Variants in MARK3 observed in about 807,000 individuals in gnomAD.
MARK3 encodes MAP/microtubule affinity-regulating kinase 3.
In MARK3, 46 loss-of-function variants were observed where a neutral mutation model predicts 90.1. The ratio of observed to expected loss-of-function variants is 0.51; its 90% CI spans 0.40 to 0.65. The LOEUF (loss-of-function observed/expected upper bound fraction) is 0.65. Among genes scored for constraint, MARK3 ranks in the 30% least tolerant of loss-of-function variants. The pLI, the probability that MARK3 is intolerant of heterozygous loss-of-function variation, is 0.00. For missense variants in MARK3, 818 were observed against 947.2 expected (o/e 0.86, Z 1.79); for synonymous variants, 321 against 332.6 (o/e 0.97, Z 0.38).
intron 15 of MARK3, among the ~76,000 whole-genome samples, chr14:103,494,190 C>T (rs1434675932): frequency 6.8e-6 from 1 of 147,694 alleles, no homozygotes; most frequent in Non-Finnish European, 1.5e-5. Context: ...GCCAAGATCG[C>T]GCCGCTGCAC....
chr14:103,454,595 A>G (rs894638017), intron 5 of MARK3, among the ~76,000 whole-genome samples: 5 of 152,144 alleles, frequency 3.3e-5, no homozygotes, highest in Non-Finnish European at 4.4e-5. Flanking sequence ...TTTCCGGGAC[A>G]TATGTTTTAT....
rs375161932 is a variant in MARK3 at position 103,480,428 on chromosome 14, T to C, written c.1524T>C (p.Tyr508=). Residue 508 remains tyrosine, a synonymous_variant, in exon 14 of 18, where the codon TAT becomes TAC. Transcript: ENST00000429436. ...ASGGMTRRNT[Y]VCSERTTADR... ...GTGGAATGACACGACGAAATACTTA[T>C]GTTTGCAGTGAGAGAACTACAGCTG... 233 of 1,613,776 alleles carry C rather than the reference T, an allele frequency of 1.4e-4. 2 individuals carry two copies. The highest frequency in any genetic ancestry group is 6.6e-4 in the Middle Eastern group (4 of 6,060).
At chr14:103,411,495 C>G (rs192095810) in intron 2 of MARK3, among the ~76,000 whole-genome samples, 4 of 152,296 alleles carry the variant, frequency 2.6e-5, no homozygotes, top group Admixed American at 2.6e-4. Context: ...AATAAATTCT[C>G]ATATGTGTCC....
At chr14:103,388,328 C>T (rs150244040) in intron 1 of MARK3, among the ~76,000 whole-genome samples, 1 of 152,314 alleles carries the variant, frequency 6.6e-6, no homozygotes, top group Non-Finnish European at 1.5e-5. Context: ...ATTTTTAACT[C>T]TTGCATTGGC....
Position 103,475,082 on chromosome 14 carries a change from T to TC in MARK3, c.1357dup (p.Arg453ProfsTer25). 1 of 1,614,124 alleles carries TC rather than the reference T, an allele frequency of 6.2e-7. No homozygotes were observed. Among genetic ancestry groups the TC allele is most frequent in the Non-Finnish European group, 8.5e-7 (1 of 1,179,976 alleles). ...TGACCTCAAAGAAGATGGAATTTCC[T>TC]CCCGGAAATCAAGTGGCAGTGCTGT... On this transcript the variant is annotated frameshift_variant, in exon 13 of 18. Coordinates refer to ENST00000429436, the MANE Select transcript of MARK3 (RefSeq NM_001128918.3). LOFTEE classifies it high-confidence loss of function.
At chr14:103,501,455 G>T (rs1022090363) in intron 17 of MARK3, among the ~76,000 whole-genome samples, 2 of 152,216 alleles carry the variant, frequency 1.3e-5, no homozygotes, top group East Asian at 1.9e-4. Context: ...TGTGCCTCCA[G>T]TTCCACTCAG....
chr14:103,410,607 A>G lies in MARK3; in HGVS notation c.243+5340A>G, dbSNP rs998245968. On this transcript the variant is annotated intron_variant, in intron 2 of 17. Transcript: ENST00000429436. ...TCATAGTGCTTTGGGAGGCCAAGGC[A>G]AGGAGGATCACTTGAGCCCAGGAGT... Among the ~76,000 whole-genome samples, 11 of 152,192 alleles carry G rather than the reference A, an allele frequency of 7.2e-5. No individual in the cohort carries two copies. The East Asian group carries it at 2.1e-3, about 29-fold the overall frequency.
intron 14 of MARK3, chr14:103,491,057 C>A: frequency 7.8e-7 from 1 of 1,288,202 alleles, no homozygotes; most frequent in South Asian, 1.2e-5. Flanking sequence ...CTGGGCACCC[C>A]AAGATGATGT....
At chr14:103,412,197 G>C (rs2091683091) in intron 2 of MARK3, 2 of 1,142,838 alleles carry the variant, frequency 1.8e-6, no homozygotes, top group East Asian at 4.8e-5. Context: ...TTCTCGAGCA[G>C]TGACACCAAG....
chr14:103,497,075 T>C lies in MARK3; in HGVS notation c.1845-1427T>C, dbSNP rs573173136. On this transcript the variant is annotated intron_variant, in intron 15 of 17. Coordinates refer to ENST00000429436, the MANE Select transcript of MARK3 (RefSeq NM_001128918.3). The stretch of plus-strand genomic sequence containing the variant: ...TAAATATTTAAAAGTAAAAGAAAAT[T>C]AGGAAACGAAAATATATCTTAAAGA... Among the ~76,000 whole-genome samples, 3 of 152,158 alleles carry C rather than the reference T, an allele frequency of 2.0e-5. No individual in the cohort carries two copies. In the South Asian group the frequency reaches 6.2e-4, roughly 32 times the overall value.
intron 5 of MARK3, 77 bp downstream of exon 5, chr14:103,452,060 G>C: frequency 1.1e-6 from 1 of 937,264 alleles, no homozygotes; most frequent in Non-Finnish European, 1.7e-6. Context: ...CTGCCCATAT[G>C]GGTCATCATT....
At chr14:103,467,928 G>C (rs778305288) in intron 11 of MARK3, 105 bp from the exon 12 acceptor site, 1 of 1,128,154 alleles carries the variant, frequency 8.9e-7, no homozygotes, top group African/African-American at 1.6e-5. Context: ...TCCTCTCTCT[G>C]AATGAACGGT....
chr14:103,404,324 G>A (rs2091145907), intron 1 of MARK3, among the ~76,000 whole-genome samples: 1 of 152,174 alleles, frequency 6.6e-6, no homozygotes, highest in African/African-American at 2.4e-5. Context: ...CCTTGGGCAG[G>A]AGTTAACAGC....
intron 3 of MARK3, among the ~76,000 whole-genome samples, chr14:103,440,135 G>A (rs752511033): frequency 6.6e-6 from 1 of 152,168 alleles, no homozygotes; most frequent in Non-Finnish European, 1.5e-5. Flanking sequence ...GTATTTTGCT[G>A]TAATTCACCT....
chr14:103,406,310 C>T (rs1244209695), intron 2 of MARK3, among the ~76,000 whole-genome samples: 3 of 152,016 alleles, frequency 2.0e-5, no homozygotes, highest in Admixed American at 6.5e-5. Context: ...CTGCAACCTC[C>T]GCCTCCCAGG....
At chr14:103,500,841 C>T (rs924491629) in intron 17 of MARK3, among the ~76,000 whole-genome samples, 1 of 152,120 alleles carries the variant, frequency 6.6e-6, no homozygotes, top group Admixed American at 6.5e-5. Flanking sequence ...GGGCTGGTCT[C>T]AAACTCCTAG....
At chr14:103,394,178 C>CCTCTGAT (rs2090440745) in intron 1 of MARK3, among the ~76,000 whole-genome samples, 1 of 152,132 alleles carries the variant, frequency 6.6e-6, no homozygotes, top group Non-Finnish European at 1.5e-5. Flanking sequence ...AATGCAGTAC[C>CCTCTGAT]CTCTGATCAC....
intron 5 of MARK3, among the ~76,000 whole-genome samples, chr14:103,456,745 AT>A (rs929830118): frequency 6.6e-6 from 1 of 152,218 alleles, no homozygotes; most frequent in Non-Finnish European, 1.5e-5. Flanking sequence ...TTCAGGAAAT[AT>A]TTGTTGAATG....
chr14:103,492,691 A>G (rs1277311881), intron 15 of MARK3, among the ~76,000 whole-genome samples: 1 of 152,186 alleles, frequency 6.6e-6, no homozygotes, highest in African/African-American at 2.4e-5. Context: ...AAAATGTTCC[A>G]TGTGTCTAGT....
Sources: gnomAD v4.1 joint callset for allele counts (sites outside exome capture counted in the v4.1 genomes callset) on GRCh38, gnomAD v4.1.1 for gene constraint, MANE v1.5 for transcripts, NCBI Gene and HGNC (gene_info 2026-07-23, HGNC 2026-07-21) for gene names.